Variants in THOC5 observed in about 807,000 individuals in gnomAD.
THOC5 encodes the protein Fms-interacting protein.
A neutral mutation model predicts 92.9 loss-of-function variants in THOC5; 43 were observed. The ratio of observed to expected loss-of-function variants is 0.46; its 90% CI spans 0.36 to 0.60. The LOEUF (loss-of-function observed/expected upper bound fraction) is 0.60. Ranked by LOEUF, THOC5 falls within the 20% of genes least tolerant of loss-of-function variation. The pLI is 0.00. For missense variants in THOC5, 659 were observed against 849.4 expected (o/e 0.78, Z 2.79); for synonymous variants, 296 against 320.1 (o/e 0.92, Z 0.80).
chr22:29,513,217 G>A (rs2063259618), intron 17 of THOC5, among the ~76,000 whole-genome samples: 4 of 152,084 alleles, frequency 2.6e-5, no homozygotes, highest in Admixed American at 2.6e-4. Flanking sequence ...GGGCGTGGTG[G>A]TGGGCGACTG....
Position 29,506,611 on chromosome 22 carries a change from G to T in THOC5, c.*1846C>A, listed in dbSNP as rs1002860386. 9.8e-5 allele frequency: 15 copies of T among 152,332 alleles called. No individual in the cohort carries two copies. The highest frequency in any genetic ancestry group is 3.4e-4 in the African/African-American group (14 of 41,434). The allele number at this position is 152,332 out of a possible 1,614,324, so 9.4% of individuals were successfully genotyped here. A position where few individuals can be genotyped will look rare whatever the true frequency, so the allele number is the denominator to read the frequency against. On this transcript the variant is annotated 3_prime_UTR_variant, in exon 20 of 20. Transcript: ENST00000490103. ...TCACTTGAACCCAGGAGAGGTTGAG[G>T]CGGCAGTGAGCTGTGTTCGTGCCAC... is the stretch of plus-strand genomic sequence containing the variant.
intron 8 of THOC5, among the ~76,000 whole-genome samples, chr22:29,530,695 G>A (rs894791872): frequency 6.6e-6 from 1 of 152,128 alleles, no homozygotes; most frequent in Admixed American, 6.5e-5. Flanking sequence ...CAGCACATGA[G>A]CTAACAGCCT....
chr22:29,536,533 G>A (rs2063763233), intron 7 of THOC5, 91 bp downstream of exon 7: 1 of 763,652 alleles, frequency 1.3e-6, no homozygotes, highest in Admixed American at 1.9e-5. Flanking sequence ...CTAATTTAGG[G>A]TAATAGACCT....
At chr22:29,520,277 G>A (rs889640260) in intron 13 of THOC5, among the ~76,000 whole-genome samples, 173 bp from the exon 14 acceptor site, 3 of 152,006 alleles carry the variant, frequency 2.0e-5, no homozygotes, top group African/African-American at 7.2e-5. Context: ...TCCCTACTGT[G>A]AATTTCATCT....
At chr22:29,515,279 T>C (rs2146445140) in intron 17 of THOC5, among the ~76,000 whole-genome samples, 1 of 152,202 alleles carries the variant, frequency 6.6e-6, no homozygotes, top group East Asian at 1.9e-4. Flanking sequence ...TGACCTCAGG[T>C]GATCTGCCCA....
intron 12 of THOC5, among the ~76,000 whole-genome samples, chr22:29,522,948 C>G (rs1401917989): frequency 6.6e-6 from 1 of 151,842 alleles, no homozygotes; most frequent in South Asian, 2.1e-4. Context: ...TTGCAGTGAG[C>G]TGAGATCGTA....
At chr22:29,549,221 G>T (rs989804398) in intron 1 of THOC5, 63 bp from the exon 2 acceptor site, 2 of 1,448,120 alleles carry the variant, frequency 1.4e-6, no homozygotes, top group Non-Finnish European at 1.9e-6. Context: ...CAAACTAGCA[G>T]TTCTGGCCAC....
chr22:29,511,073 G>A (rs139100789), intron 19 of THOC5, 33 bp downstream of exon 19: 5 of 1,598,818 alleles, frequency 3.1e-6, no homozygotes, highest in African/African-American at 2.7e-5. Flanking sequence ...ACATCACCAT[G>A]AGAAGTCACC....
chr22:29,514,442 G>A (rs1297404195), intron 17 of THOC5, among the ~76,000 whole-genome samples: 3 of 145,544 alleles, frequency 2.1e-5, no homozygotes, highest in East Asian at 2.2e-4. Flanking sequence ...TCACCCTCCC[G>A]AGTAGCTGGG....
rs924431794 is a variant in THOC5, at chr22:29,553,731, G to C, written c.-72C>G. On this transcript the variant is annotated 5_prime_UTR_variant, in exon 1 of 20. Transcript: ENST00000490103. ...CACTGCCGGAGGCGGAGCAAAGCTT[G>C]CCCGCGCACCATAGAGAACCGGAAG... 1 of 152,448 alleles carries C rather than the reference G, an allele frequency of 6.6e-6. No homozygotes were observed. Among genetic ancestry groups the C allele is most frequent in the African/African-American group, 2.4e-5 (1 of 41,460 alleles). The allele number at this position is 152,448 out of a possible 1,614,324, so 9.4% of individuals were successfully genotyped here.
At chr22:29,552,956 C>G (rs1273329694) in intron 1 of THOC5, among the ~76,000 whole-genome samples, 1 of 152,120 alleles carries the variant, frequency 6.6e-6, no homozygotes, top group East Asian at 1.9e-4. Context: ...CCCGTGCTCT[C>G]TGAAACATGT....
In THOC5 at chr22:29,508,139, C is replaced by A; in HGVS notation, c.*318G>T. ...ATCATGAGGACCTCACCCCGCAAAGCACAAATAGGGTGTGCGTAGACAAGA... is the reference window on the plus strand; with the variant it reads ...ATCATGAGGACCTCACCCCGCAAAGAACAAATAGGGTGTGCGTAGACAAGA... On this transcript the variant is annotated 3_prime_UTR_variant, in exon 20 of 20. Transcript: ENST00000490103. 3.1e-6 allele frequency: 1 copy of A among 322,654 alleles called. No homozygotes were observed. Among genetic ancestry groups the A allele is most frequent in the Non-Finnish European group, 5.7e-6 (1 of 174,682 alleles). 20.0% of individuals were successfully genotyped at this position (322,654 alleles called of 1,614,324 possible). A position where few individuals can be genotyped will look rare whatever the true frequency, so the allele number is the denominator to read the frequency against.
chr22:29,533,267 G>A (rs191059487), intron 7 of THOC5, among the ~76,000 whole-genome samples: 6 of 152,292 alleles, frequency 3.9e-5, no homozygotes, highest in East Asian at 1.9e-4. Flanking sequence ...ACTGTGCATC[G>A]AGACTTCTGA....
At chr22:29,529,306 C>A (rs1202822968) in intron 8 of THOC5, 67 bp from the exon 9 acceptor site, 1 of 1,535,894 alleles carries the variant, frequency 6.5e-7, no homozygotes, top group Non-Finnish European at 9.0e-7. Context: ...GTGAGTAGGC[C>A]AGCTCTGGGG....
chr22:29,520,185 C>A, intron 13 of THOC5, 81 bp from the exon 14 acceptor site: 1 of 1,235,802 alleles, frequency 8.1e-7, no homozygotes, highest in Admixed American at 2.0e-5. Context: ...CCCACCCTCC[C>A]ATGCCCCACA....
rs772665941 is a variant in THOC5 at position 29,528,194 on chromosome 22, G to A, written c.967-17C>T. The A allele has an allele frequency of 7.6e-5, 123 of 1,613,986 alleles. No individual in the cohort carries two copies. Among genetic ancestry groups the A allele is most frequent in the Non-Finnish European group, 9.5e-5 (112 of 1,180,006 alleles). On this transcript the variant is annotated splice_polypyrimidine_tract_variant and intron_variant, in intron 10 of 19. Transcript: ENST00000490103. ...CCGGCGCTTCTGGACAAAGGAAAGT[G>A]CCAAGCTGATGAGCATCAGTCATAG... is the stretch of plus-strand genomic sequence containing the variant.
chr22:29,546,024 G>A (rs2064010833), intron 2 of THOC5, among the ~76,000 whole-genome samples: 1 of 152,256 alleles, frequency 6.6e-6, no homozygotes, highest in Non-Finnish European at 1.5e-5. Context: ...TGAAATCCAG[G>A]CGGAGGTTCC....
At chr22:29,532,015 G>A in intron 7 of THOC5, 52 bp from the exon 8 acceptor site, 1 of 1,584,676 alleles carries the variant, frequency 6.3e-7, no homozygotes, top group African/African-American at 1.3e-5. Context: ...AGTCCACACA[G>A]GAAAAAGTGG....
chr22:29,534,580 GA>G (rs2063719088), intron 7 of THOC5: 1 of 150,094 alleles, frequency 6.7e-6, no homozygotes, highest in African/African-American at 2.5e-5. Flanking sequence ...GGGAAAGACT[GA>G]ACTAGATCGC....
Sources: allele counts gnomAD v4.1 joint callset (sites outside exome capture counted in the v4.1 genomes callset), GRCh38; gene constraint gnomAD v4.1.1; transcripts MANE v1.5; gene names NCBI Gene and HGNC (gene_info 2026-07-23, HGNC 2026-07-21).